The following LARGE1 variants were observed in gnomAD, a reference collection of about 807,000 sequenced individuals.
LARGE1 encodes LARGE xylosyl- and glucuronyltransferase 1.
LARGE1 carries 43 observed loss-of-function variants against 87.6 expected under a neutral mutation model. That is an observed-to-expected ratio of 0.49 (90% confidence interval 0.38 to 0.63). The LOEUF (loss-of-function observed/expected upper bound fraction) is 0.63, where lower values mean the gene tolerates loss of function less well. LARGE1 is among the 30% of genes least tolerant of loss of function. The probability of loss-of-function intolerance (pLI) is 0.00; values close to 1 mark genes in which losing one functional copy is unlikely to be tolerated. For synonymous variants in LARGE1, 434 were observed against 394.6 expected (o/e 1.10, Z -1.18); for missense variants, 802 against 1,000.2 (o/e 0.80, Z 2.67).
chr22:33,534,901 T>A (rs943190027), intron 6 of LARGE1, among the ~76,000 whole-genome samples: 1 of 152,070 alleles, frequency 6.6e-6, no homozygotes, highest in Non-Finnish European at 1.5e-5. Context: ...AAATGCAGAG[T>A]CCCATCCCCA....
At chr22:33,182,291 C>G (rs1212354192) in intron 11 of LARGE1, among the ~76,000 whole-genome samples, 1 of 152,176 alleles carries the variant, frequency 6.6e-6, no homozygotes, top group Admixed American at 6.5e-5. Context: ...TGACCAGCTG[C>G]AAAATTTAGT....
intron 11 of LARGE1, among the ~76,000 whole-genome samples, chr22:33,224,376 C>T (rs1602114100): frequency 6.6e-6 from 1 of 152,140 alleles, no homozygotes; most frequent in East Asian, 1.9e-4. Context: ...AATTTGCCTA[C>T]ATGGTATTTG....
In LARGE1 at chr22:33,296,617, G is replaced by T. The variant is rs141551987; in HGVS notation, c.1730+7612C>A. Among the ~76,000 whole-genome samples the T allele has an allele frequency of 8.5e-3, 1,224 of 143,500 alleles. 21 individuals are homozygous for T. The highest frequency in any genetic ancestry group is 0.03 in the African/African-American group (1,152 of 37,848). The allele number at this position is 143,500 out of a possible 152,430, so 94.1% of individuals were successfully genotyped here. A position where few individuals can be genotyped will look rare whatever the true frequency, so the allele number is the denominator to read the frequency against. On this transcript the variant is annotated intron_variant, in intron 12 of 14. Coordinates refer to ENST00000397394, the MANE Select transcript of LARGE1 (RefSeq NM_133642.5). The stretch of plus-strand genomic sequence containing the variant: ...GAGTTTCTCTCTTGTTGCCCAGGCT[G>T]GAGTGCAATGGCGCGATCTCATCTC...
chr22:33,350,967 C>T (rs1940317479), intron 9 of LARGE1, among the ~76,000 whole-genome samples: 1 of 152,170 alleles, frequency 6.6e-6, no homozygotes, highest in Non-Finnish European at 1.5e-5. Context: ...CTTCTCTCTT[C>T]AATTTGGGTT....
At chr22:33,356,420 G>A (rs1045004668) in intron 9 of LARGE1, among the ~76,000 whole-genome samples, 5 of 152,130 alleles carry the variant, frequency 3.3e-5, no homozygotes, top group South Asian at 4.1e-4. Flanking sequence ...GCCACCAACC[G>A]GTGTTTAACC....
intron 1 of LARGE1, among the ~76,000 whole-genome samples, chr22:33,767,100 C>T (rs1465049188): frequency 6.6e-6 from 1 of 151,170 alleles, no homozygotes; most frequent in Admixed American, 6.6e-5. Context: ...GATCACCTGA[C>T]ATCAGGCGTT....
At chr22:33,370,022 T>A (rs1041519406) in intron 9 of LARGE1, among the ~76,000 whole-genome samples, 3 of 152,178 alleles carry the variant, frequency 2.0e-5, no homozygotes, top group African/African-American at 7.2e-5. Flanking sequence ...CCTAGACATC[T>A]TTTGCAAATG....
At chr22:33,304,164 G>C in intron 12 of LARGE1, 65 bp downstream of exon 12, 1 of 1,571,174 alleles carries the variant, frequency 6.4e-7, no homozygotes, top group South Asian at 1.1e-5. Context: ...AGGGCCTTTT[G>C]GTCCTGGCAC....
chr22:33,474,625 C>T (rs1027564423), intron 6 of LARGE1, among the ~76,000 whole-genome samples: 5 of 152,196 alleles, frequency 3.3e-5, no homozygotes, highest in African/African-American at 1.2e-4. Flanking sequence ...GTTATCAGGA[C>T]ACAAATCACC....
At chr22:33,422,431 G>C (rs2066724390) in intron 7 of LARGE1, among the ~76,000 whole-genome samples, 1 of 152,044 alleles carries the variant, frequency 6.6e-6, no homozygotes, top group Admixed American at 6.6e-5. Context: ...AATCATGGCA[G>C]AAGGCAAAGG....
chr22:33,447,384 T>C (rs2067726117), intron 6 of LARGE1, among the ~76,000 whole-genome samples: 1 of 152,180 alleles, frequency 6.6e-6, no homozygotes, highest in Admixed American at 6.5e-5. Flanking sequence ...CAACATCTTC[T>C]GAGGGGCCTG....
intron 11 of LARGE1, among the ~76,000 whole-genome samples, chr22:33,210,733 G>C (rs1052610218): frequency 2.0e-5 from 3 of 152,218 alleles, no homozygotes. Flanking sequence ...CACCTGGCCT[G>C]GTTCCTTGGG....
chr22:33,838,784 T>TC (rs1328259837), intron 1 of LARGE1, among the ~76,000 whole-genome samples: 1 of 152,008 alleles, frequency 6.6e-6, no homozygotes, highest in Non-Finnish European at 1.5e-5. Context: ...TCTCCCTCAC[T>TC]CCCCCAAAGG....
chr22:33,734,758 A>G (rs553525859), intron 2 of LARGE1, among the ~76,000 whole-genome samples: 12 of 152,186 alleles, frequency 7.9e-5, no homozygotes, highest in African/African-American at 2.9e-4. Context: ...AGTCATCACA[A>G]AGACCTTCTC....
At position 33,690,227 on chromosome 22, in the gene LARGE1, A is replaced by G. The variant is rs192683690; in HGVS notation, c.107-39559T>C. On this transcript the variant is annotated intron_variant, in intron 2 of 14. Transcript: ENST00000397394. ...AAAGTAGAAATGACAAAAAGAAAGA[A>G]AAGTTAGGCAAAATGAAGTAACAGC... Among the ~76,000 whole-genome samples the G allele has an allele frequency of 1.2e-3, 183 of 152,346 alleles. 2 individuals carry two copies. The highest frequency in any genetic ancestry group is 2.3e-3 in the Non-Finnish European group (156 of 68,038).
the LARGE1 span, among the ~76,000 whole-genome samples, chr22:33,152,886 T>C: frequency 6.6e-6 from 1 of 152,206 alleles, no homozygotes; most frequent in Non-Finnish European, 1.5e-5. Context: ...TTATCTCTGC[T>C]TCAATTTAGT....
intron 12 of LARGE1, among the ~76,000 whole-genome samples, chr22:33,288,651 G>T (rs1931979384): frequency 1.3e-5 from 2 of 152,302 alleles, no homozygotes; most frequent in East Asian, 3.9e-4. Context: ...GCAAGCAACA[G>T]AAATTAATAC....
chr22:33,537,636 G>A (rs746940759), intron 6 of LARGE1, among the ~76,000 whole-genome samples: 1 of 152,028 alleles, frequency 6.6e-6, no homozygotes, highest in Non-Finnish European at 1.5e-5. Flanking sequence ...GCGCAGTCTC[G>A]GTTCATTCCA....
chr22:33,149,165 T>C, the LARGE1 span, among the ~76,000 whole-genome samples: 1 of 151,388 alleles, frequency 6.6e-6, no homozygotes, highest in Non-Finnish European at 1.5e-5. Flanking sequence ...GCCTCCCGAG[T>C]AGCTGGGACT....
Sources: allele counts gnomAD v4.1 joint callset (sites outside exome capture counted in the v4.1 genomes callset), GRCh38; gene constraint gnomAD v4.1.1; transcripts MANE v1.5; gene names NCBI Gene and HGNC (gene_info 2026-07-23, HGNC 2026-07-21).